Variants in CACNB4 observed in about 807,000 individuals in gnomAD.
CACNB4 encodes calcium voltage-gated channel auxiliary subunit beta 4, also known as voltage-dependent L-type calcium channel subunit beta-4.
Under a neutral mutation model 71.2 loss-of-function variants are expected in CACNB4, and 32 were observed. The observed-to-expected ratio is 0.45, with a 90% CI of 0.34 to 0.60. CACNB4 has a LOEUF of 0.60. Among genes scored for constraint, CACNB4 ranks in the 20% least tolerant of loss-of-function variants. The pLI is 0.01. For missense variants in CACNB4, 464 were observed against 647.9 expected (o/e 0.72, Z 3.08); for synonymous variants, 231 against 236.9 (o/e 0.97, Z 0.23).
rs531793374 is a variant in CACNB4 at position 152,038,869 on chromosome 2, T to C, written c.147+59461A>G. 4.6e-5 allele frequency among the ~76,000 whole-genome samples: 7 copies of C among 152,214 alleles called. No homozygotes were observed. In the South Asian group the frequency reaches 1.5e-3, roughly 32 times the overall value. ...ACTCTGGACAGGAAATCTCCCCCTC[T>C]CTTCCCAGCCCTGTATGTCCCCACC... On this transcript the variant is annotated intron_variant, in intron 2 of 13. Coordinates refer to ENST00000539935, the MANE Select transcript of CACNB4 (RefSeq NM_000726.5).
chr2:151,995,657 C>T (rs1682001467), intron 2 of CACNB4, among the ~76,000 whole-genome samples: 3 of 152,092 alleles, frequency 2.0e-5, no homozygotes, highest in South Asian at 4.2e-4. Flanking sequence ...TGCAGTGAGC[C>T]AAGATCACGC....
chr2:152,022,744 A>G (rs1320010316), intron 2 of CACNB4, among the ~76,000 whole-genome samples: 1 of 152,234 alleles, frequency 6.6e-6, no homozygotes, highest in East Asian at 1.9e-4. Context: ...AAAGAATCAT[A>G]GAAAGCATAA....
chr2:152,050,344 A>C (rs768172842), intron 2 of CACNB4, among the ~76,000 whole-genome samples: 4 of 152,230 alleles, frequency 2.6e-5, no homozygotes, highest in Non-Finnish European at 5.9e-5. Flanking sequence ...AATGCTGGAC[A>C]TAAGAGGAGA....
At chr2:151,918,324 A>T (rs1171452423) in intron 2 of CACNB4, among the ~76,000 whole-genome samples, 1 of 152,236 alleles carries the variant, frequency 6.6e-6, no homozygotes, top group Non-Finnish European at 1.5e-5. Flanking sequence ...GCAAAGATCT[A>T]TACAATTTTG....
chr2:152,092,407 A>T (rs1455872095), intron 2 of CACNB4, among the ~76,000 whole-genome samples: 1 of 152,208 alleles, frequency 6.6e-6, no homozygotes, highest in Non-Finnish European at 1.5e-5. Context: ...GTTTTATTCT[A>T]GTATCAACCT....
chr2:151,978,471 C>T lies in CACNB4; in HGVS notation c.148-95101G>A, dbSNP rs202163170. ...GTGCTTATGAGCAGGGACCCTGGAG[C>T]CAGACTGCCTGCATATCCCAGCTGT... On this transcript the variant is annotated intron_variant, in intron 2 of 13. Coordinates refer to ENST00000539935, the MANE Select transcript of CACNB4 (RefSeq NM_000726.5). Among the ~76,000 whole-genome samples the T allele has an allele frequency of 1.6e-4, 24 of 152,270 alleles. No homozygotes were observed. The East Asian group carries it at 4.6e-3, about 29-fold the overall frequency.
intron 2 of CACNB4, among the ~76,000 whole-genome samples, chr2:152,015,652 T>C (rs1013464079): frequency 6.6e-6 from 1 of 152,240 alleles, no homozygotes. Flanking sequence ...AGTTGCTTCA[T>C]TGCACTCTTC....
At chr2:151,953,447 G>A (rs942837253) in intron 2 of CACNB4, among the ~76,000 whole-genome samples, 2 of 152,126 alleles carry the variant, frequency 1.3e-5, no homozygotes, top group African/African-American at 4.8e-5. Context: ...GGACACTTGG[G>A]TTCAAATCCT....
chr2:152,034,824 A>G (rs1444412634), intron 2 of CACNB4, among the ~76,000 whole-genome samples: 1 of 152,158 alleles, frequency 6.6e-6, no homozygotes, highest in Non-Finnish European at 1.5e-5. Flanking sequence ...TTAGTCTCTA[A>G]TAAGTACTGT....
chr2:152,080,410 T>C lies in CACNB4; in HGVS notation c.147+17920A>G, dbSNP rs554389339. Among the ~76,000 whole-genome samples, 177 of 152,258 alleles carry C rather than the reference T, an allele frequency of 1.2e-3. 1 individual carries two copies. The highest frequency in any genetic ancestry group is 4.0e-3 in the African/African-American group (168 of 41,558). On this transcript the variant is annotated intron_variant, in intron 2 of 13. Coordinates refer to ENST00000539935, the MANE Select transcript of CACNB4 (RefSeq NM_000726.5). The stretch of plus-strand genomic sequence containing the variant: ...TGCTGGGATTACAGGTATGAGCCAC[T>C]GCGCCTGGCCAATTTACTGTCTTAT...
intron 2 of CACNB4, among the ~76,000 whole-genome samples, chr2:152,025,692 C>A (rs1455818330): frequency 2.6e-5 from 4 of 152,212 alleles, no homozygotes; most frequent in Non-Finnish European, 5.9e-5. Flanking sequence ...AATTGAACTT[C>A]AAAGATGCCA....
At chr2:151,957,667 G>A (rs374833270) in intron 2 of CACNB4, among the ~76,000 whole-genome samples, 2 of 152,260 alleles carry the variant, frequency 1.3e-5, no homozygotes, top group Admixed American at 6.5e-5. Context: ...TTTGGGGAGC[G>A]TTTGCCAAAA....
At chr2:151,989,777 T>C (rs1180926745) in intron 2 of CACNB4, among the ~76,000 whole-genome samples, 1 of 152,220 alleles carries the variant, frequency 6.6e-6, no homozygotes, top group African/African-American at 2.4e-5. Flanking sequence ...AGACTCAACA[T>C]GTGCAATAGT....
chr2:151,895,741 CA>C (rs1170049441), intron 2 of CACNB4, among the ~76,000 whole-genome samples: 1 of 151,684 alleles, frequency 6.6e-6, no homozygotes, highest in African/African-American at 2.4e-5. Context: ...TGATAGGTGA[CA>C]TTAAATATTA....
chr2:151,874,536 A>C (rs1432721828), intron 5 of CACNB4, among the ~76,000 whole-genome samples: 2 of 152,002 alleles, frequency 1.3e-5, no homozygotes, highest in Non-Finnish European at 2.9e-5. Context: ...TATTAATAAT[A>C]GTATTGGCAA....
chr2:152,073,055 T>C (rs577861802), intron 2 of CACNB4, among the ~76,000 whole-genome samples: 5 of 152,294 alleles, frequency 3.3e-5, no homozygotes, highest in East Asian at 1.9e-4. Flanking sequence ...GAAAATATCA[T>C]GCTCTTTCTA....
intron 2 of CACNB4, among the ~76,000 whole-genome samples, chr2:151,887,431 C>A (rs1368011115): frequency 2.7e-5 from 4 of 145,938 alleles, no homozygotes; most frequent in South Asian, 2.2e-4. Flanking sequence ...GACCCTGTCT[C>A]AAAAAAAAAA....
intron 2 of CACNB4, among the ~76,000 whole-genome samples, chr2:152,021,672 T>A (rs558916473): frequency 6.6e-6 from 1 of 152,334 alleles, no homozygotes; most frequent in South Asian, 2.1e-4. Context: ...AAATCAATGA[T>A]GCTTTATCAA....
At chr2:152,036,562 G>A (rs542471779) in intron 2 of CACNB4, among the ~76,000 whole-genome samples, 1 of 152,160 alleles carries the variant, frequency 6.6e-6, no homozygotes, top group Non-Finnish European at 1.5e-5. Flanking sequence ...GACTTCCAAA[G>A]TGCTGGAATT....
Sources: gnomAD v4.1 joint callset for allele counts (sites outside exome capture counted in the v4.1 genomes callset) on GRCh38, gnomAD v4.1.1 for gene constraint, MANE v1.5 for transcripts, NCBI Gene and HGNC (gene_info 2026-07-23, HGNC 2026-07-21) for gene names.